The following AP4S1 variants were observed in gnomAD, a reference collection of about 807,000 sequenced individuals.
AP4S1 encodes adaptor related protein complex 4 subunit sigma 1.
Under a neutral mutation model 19.8 loss-of-function variants are expected in AP4S1, and 23 were observed. The ratio of observed to expected loss-of-function variants is 1.16; its 90% CI spans 0.84 to 1.65. The LOEUF (loss-of-function observed/expected upper bound fraction) is 1.65, where lower values mean the gene tolerates loss of function less well. Among genes scored for constraint, AP4S1 ranks in the 40% most tolerant of loss-of-function variants. The pLI is 0.00. For synonymous variants in AP4S1, 46 were observed against 54.1 expected, an observed-to-expected ratio of 0.85 and a Z score of 0.66; for missense variants, 166 against 172.8, an observed-to-expected ratio of 0.96 and a Z score of 0.22.
intron 1 of AP4S1, among the ~76,000 whole-genome samples, chr14:31,034,208 A>G (rs752567815): frequency 1.3e-5 from 2 of 152,214 alleles, no homozygotes; most frequent in Non-Finnish European, 2.9e-5. Flanking sequence ...CCTTTGGAGA[A>G]TATGTTAAAT....
intron 3 of AP4S1, 72 bp downstream of exon 3, chr14:31,070,001 T>C: frequency 1.5e-6 from 2 of 1,324,382 alleles, no homozygotes; most frequent in Non-Finnish European, 1.1e-6. Flanking sequence ...ATTATGACTC[T>C]CTTGATTTTT....
chr14:31,083,431 C>G (rs142472767), intron 5 of AP4S1: 16 of 450,744 alleles, frequency 3.5e-5, no homozygotes, highest in African/African-American at 3.3e-4. Context: ...ACTTGTACTT[C>G]CAGTGGTCTA....
chr14:31,085,637 G>A (rs1887889484), intron 5 of AP4S1: 3 of 707,270 alleles, frequency 4.2e-6, no homozygotes, highest in Non-Finnish European at 5.2e-6. Context: ...CCAGGCATTG[G>A]TGGTGTGTGC....
In AP4S1 at chr14:31,080,553, A is replaced by C; in HGVS notation, c.295-20A>C. On this transcript the variant is annotated intron_variant, in intron 4 of 5. Transcript: ENST00000542754. ...CCAGTGTCTTTTTTCTAACCCTTGCACTCTTTTTCTGTCTTCCAGAGTGAA... is the reference window on the plus strand; with the variant it reads ...CCAGTGTCTTTTTTCTAACCCTTGCCCTCTTTTTCTGTCTTCCAGAGTGAA... 1 of 1,600,922 alleles carries C rather than the reference A, an allele frequency of 6.2e-7. No individual in the cohort carries two copies. The highest frequency in any genetic ancestry group is 8.6e-7 in the Non-Finnish European group (1 of 1,168,638).
intron 1 of AP4S1, among the ~76,000 whole-genome samples, chr14:31,039,342 T>G (rs926629197): frequency 6.6e-6 from 1 of 151,766 alleles, no homozygotes; most frequent in Non-Finnish European, 1.5e-5. Flanking sequence ...TGAGCCACCA[T>G]GCCCAGCTAA....
At chr14:31,026,408 AG>A (rs1250960048) in intron 1 of AP4S1, 5 of 10,742 alleles carry the variant, frequency 4.7e-4, no homozygotes, top group East Asian at 3.1e-3. Flanking sequence ...CTTTAGGGGA[AG>A]GGGGGGCCTC....
At position 31,025,713 on chromosome 14, in the gene AP4S1, A is replaced by G. The variant is rs989378275; in HGVS notation, c.-146A>G. On this transcript the variant is annotated 5_prime_UTR_variant, in exon 1 of 6. Transcript: ENST00000542754. Reference sequence around the variant, plus strand: ...GCGTAGCCAGTGAAGGTTGGGGAGCAAGCTTATGCGGGAAAGAGGGAGGGG... The same window carrying G: ...GCGTAGCCAGTGAAGGTTGGGGAGCGAGCTTATGCGGGAAAGAGGGAGGGG... 5 of 829,550 alleles carry G rather than the reference A, an allele frequency of 6.0e-6. No homozygotes were observed. Among genetic ancestry groups the G allele is most frequent in the Non-Finnish European group, 9.0e-6 (5 of 553,152 alleles). 51.4% of individuals were successfully genotyped at this position (829,550 alleles called of 1,614,324 possible). A position where few individuals can be genotyped will look rare whatever the true frequency, so the allele number is the denominator to read the frequency against.
At chr14:31,070,370 A>G (rs1269636586) in intron 3 of AP4S1, among the ~76,000 whole-genome samples, 1 of 152,182 alleles carries the variant, frequency 6.6e-6, no homozygotes, top group Non-Finnish European at 1.5e-5. Context: ...CCACCTGACT[A>G]GCTGGGACTG....
At chr14:31,026,465 C>T (rs1345371666) in intron 1 of AP4S1, 2 of 391,744 alleles carry the variant, frequency 5.1e-6, no homozygotes, top group Non-Finnish European at 4.5e-6. Flanking sequence ...AGGCGGAGGG[C>T]CGTCACTAGC....
chr14:31,073,224 C>T (rs1887116342), intron 4 of AP4S1: 6 of 403,830 alleles, frequency 1.5e-5, no homozygotes, highest in African/African-American at 4.1e-5. Context: ...GGCGCGATGG[C>T]TCACGCCTGT....
intron 1 of AP4S1, among the ~76,000 whole-genome samples, chr14:31,050,958 G>A (rs558584789): frequency 6.2e-4 from 94 of 151,758 alleles, no homozygotes; most frequent in Admixed American, 1.6e-3. Flanking sequence ...TTTGTCTAAT[G>A]TATTTTCTCA....
intron 1 of AP4S1, among the ~76,000 whole-genome samples, chr14:31,031,990 G>A (rs987092776): frequency 6.6e-6 from 1 of 151,500 alleles, no homozygotes. Context: ...CCAGCTATTT[G>A]AGCGCGGGAG....
intron 1 of AP4S1, among the ~76,000 whole-genome samples, chr14:31,063,667 G>T (rs888583063): frequency 6.6e-6 from 1 of 152,116 alleles, no homozygotes; most frequent in African/African-American, 2.4e-5. Flanking sequence ...GACCAGAACA[G>T]ACTAAAGCAA....
intron 3 of AP4S1, among the ~76,000 whole-genome samples, 162 bp downstream of exon 3, chr14:31,070,091 T>C (rs1886921488): frequency 1.3e-5 from 2 of 152,040 alleles, no homozygotes; most frequent in African/African-American, 4.8e-5. Flanking sequence ...ACCTCCCAGG[T>C]TGAAGCGATT....
At chr14:31,038,915 A>G (rs868140364) in intron 1 of AP4S1, among the ~76,000 whole-genome samples, 2 of 152,040 alleles carry the variant, frequency 1.3e-5, no homozygotes, top group African/African-American at 4.8e-5. Flanking sequence ...AGTTATAGCA[A>G]TGGAAGTCTT....
At chr14:31,026,141 C>A in intron 1 of AP4S1, 1 of 1,491,098 alleles carries the variant, frequency 6.7e-7, no homozygotes. Context: ...GGGGAGGGGC[C>A]GCCATCCCCG....
chr14:31,057,612 ATTTTAT>A (rs1240629526), intron 1 of AP4S1, among the ~76,000 whole-genome samples: 2 of 151,820 alleles, frequency 1.3e-5, no homozygotes, highest in African/African-American at 4.8e-5. Flanking sequence ...GTTTTGGTTT[ATTTTAT>A]TTTTATTTTA....
In AP4S1 at chr14:31,068,511, C is replaced by T. The variant is rs970077908; in HGVS notation, c.139-1332C>T. Among the ~76,000 whole-genome samples, 5 of 152,138 alleles carry T rather than the reference C, an allele frequency of 3.3e-5. No individual in the cohort carries two copies. In the East Asian group the frequency reaches 5.8e-4, roughly 18 times the overall value. On this transcript the variant is annotated intron_variant, in intron 2 of 5. Transcript: ENST00000542754. The stretch of plus-strand genomic sequence containing the variant: ...GCACACACTGTTTCATGTTGTCAGA[C>T]GGAAACAGAAACTGTTAAAGGGCTG...
At chr14:31,047,605 C>G (rs978951153) in intron 1 of AP4S1, among the ~76,000 whole-genome samples, 1 of 151,980 alleles carries the variant, frequency 6.6e-6, no homozygotes, top group African/African-American at 2.4e-5. Context: ...CTGTGTTAGC[C>G]AGGATGGTCT....
Sources: gnomAD v4.1 joint callset for allele counts (sites outside exome capture counted in the v4.1 genomes callset) on GRCh38, gnomAD v4.1.1 for gene constraint, MANE v1.5 for transcripts, NCBI Gene and HGNC (gene_info 2026-07-23, HGNC 2026-07-21) for gene names.